Variants in RBPMS observed in about 807,000 individuals in gnomAD.
RBPMS encodes the protein RNA binding protein, mRNA processing factor.
Under a neutral mutation model 26.8 loss-of-function variants are expected in RBPMS, and 7 were observed. That is an observed-to-expected ratio of 0.26 (90% CI 0.15 to 0.49). The LOEUF (loss-of-function observed/expected upper bound fraction) is 0.49, where lower values mean the gene tolerates loss of function less well. Ranked by LOEUF, RBPMS falls within the 20% of genes least tolerant of loss-of-function variation. The probability of loss-of-function intolerance (pLI) is 0.98; values close to 1 mark genes in which losing one functional copy is unlikely to be tolerated. For missense variants in RBPMS, 186 were observed against 250.0 expected, an observed-to-expected ratio of 0.74 and a Z score of 1.73; for synonymous variants, 96 against 93.3, an observed-to-expected ratio of 1.03 and a Z score of -0.17.
intron 6 of RBPMS, chr8:30,545,151 T>G (rs1825768964): frequency 1.5e-6 from 2 of 1,307,200 alleles, no homozygotes; most frequent in South Asian, 2.5e-5. Context: ...GGGTTCCTTC[T>G]CTCCATTTTC....
chr8:30,463,102 G>A (rs771832637), intron 1 of RBPMS, among the ~76,000 whole-genome samples: 28 of 152,082 alleles, frequency 1.8e-4, no homozygotes, highest in Non-Finnish European at 2.8e-4. Context: ...ATTGCCTTTG[G>A]TACATGAAAA....
At chr8:30,543,253 C>T (rs567106353) in intron 5 of RBPMS, among the ~76,000 whole-genome samples, 8 of 152,312 alleles carry the variant, frequency 5.3e-5, no homozygotes, top group Non-Finnish European at 1.0e-4. Flanking sequence ...AAGCCTCACA[C>T]AGGTTCTGCT....
intron 5 of RBPMS, among the ~76,000 whole-genome samples, chr8:30,542,323 A>G (rs1288959995): frequency 1.3e-5 from 2 of 152,260 alleles, no homozygotes; most frequent in Admixed American, 1.3e-4. Context: ...CATAAATTCC[A>G]GCAGTCAGGC....
chr8:30,410,966 G>A (rs933044518), intron 1 of RBPMS, among the ~76,000 whole-genome samples: 10 of 151,998 alleles, frequency 6.6e-5, no homozygotes, highest in Non-Finnish European at 1.0e-4. Context: ...TCTTTAACTC[G>A]TGGGCTCTAG....
chr8:30,519,619 G>A (rs540960948), intron 5 of RBPMS, among the ~76,000 whole-genome samples: 1 of 151,650 alleles, frequency 6.6e-6, no homozygotes, highest in Non-Finnish European at 1.5e-5. Flanking sequence ...GAGTAACTGG[G>A]ACTATAGGCG....
chr8:30,389,394 C>T (rs1807509792), intron 1 of RBPMS, among the ~76,000 whole-genome samples: 1 of 152,154 alleles, frequency 6.6e-6, no homozygotes, highest in Non-Finnish European at 1.5e-5. Flanking sequence ...AAGTTCTCTT[C>T]TGGAGATGGT....
At chr8:30,418,980 C>T (rs1225255054) in intron 1 of RBPMS, among the ~76,000 whole-genome samples, 1 of 149,850 alleles carries the variant, frequency 6.7e-6, no homozygotes, top group Non-Finnish European at 1.5e-5. Context: ...TTTCCCTAGT[C>T]TTTTTGCTTG....
Position 30,535,488 on chromosome 8 carries a change from CTT to C in RBPMS, c.398-9003_398-9002del, listed in dbSNP as rs201815875. 7.4e-3 allele frequency among the ~76,000 whole-genome samples: 1,123 copies of C among 152,276 alleles called. 34 individuals are homozygous for C. Among genetic ancestry groups the C allele is most frequent in the Admixed American group, 0.05 (770 of 15,294 alleles). On this transcript the variant is annotated intron_variant, in intron 5 of 8. Coordinates refer to ENST00000397323, the MANE Select transcript of RBPMS (RefSeq NM_001008710.3). Reference sequence around the variant, plus strand: ...AGTGCTCCATGCCTTGATGAAGACTCTTTTAGGCAGCACCTGTCCCAACTAAG... The same window carrying C: ...AGTGCTCCATGCCTTGATGAAGACTCTTAGGCAGCACCTGTCCCAACTAAG...
At chr8:30,495,876 A>G (rs1442915940) in intron 4 of RBPMS, among the ~76,000 whole-genome samples, 1 of 152,262 alleles carries the variant, frequency 6.6e-6, no homozygotes, top group African/African-American at 2.4e-5. Context: ...TGTAGTCTTT[A>G]TAAAAGAAAA....
At chr8:30,452,376 T>A (rs1414881577) in intron 1 of RBPMS, among the ~76,000 whole-genome samples, 1 of 152,116 alleles carries the variant, frequency 6.6e-6, no homozygotes, top group Non-Finnish European at 1.5e-5. Flanking sequence ...ATAAGCAAAA[T>A]GCTAGACTAG....
At position 30,479,388 on chromosome 8, in the gene RBPMS, A is replaced by G; in HGVS notation, c.246+11A>G. On this transcript the variant is annotated intron_variant, in intron 4 of 8. Coordinates refer to ENST00000397323, the MANE Select transcript of RBPMS (RefSeq NM_001008710.3). ...AAGAATGCTTTGAATGTAAGTACTAATGATGTAATTGTAGGGGGTTTCCAT... is the reference window on the plus strand; with the variant it reads ...AAGAATGCTTTGAATGTAAGTACTAGTGATGTAATTGTAGGGGGTTTCCAT... 2 of 1,586,062 alleles carry G rather than the reference A, an allele frequency of 1.3e-6. No homozygotes were observed. The highest frequency in any genetic ancestry group is 1.8e-5 in the Admixed American group (1 of 56,858).
intron 5 of RBPMS, among the ~76,000 whole-genome samples, chr8:30,531,823 T>C (rs932045416): frequency 3.3e-5 from 5 of 152,220 alleles, no homozygotes; most frequent in Non-Finnish European, 7.3e-5. Flanking sequence ...AAAAGGAAGA[T>C]AAAATATGGC....
At chr8:30,564,036 T>C (rs1214264947) in intron 7 of RBPMS, 1 of 152,144 alleles carries the variant, frequency 6.6e-6, no homozygotes, top group African/African-American at 2.4e-5. Flanking sequence ...CATAATAGTT[T>C]GGGTGGTGAT....
intron 1 of RBPMS, among the ~76,000 whole-genome samples, chr8:30,419,642 T>C (rs1810523726): frequency 6.6e-6 from 1 of 152,118 alleles, no homozygotes; most frequent in African/African-American, 2.4e-5. Context: ...ACATGAGTAT[T>C]AAAAATGTTT....
At chr8:30,449,975 C>T (rs779287921) in intron 1 of RBPMS, among the ~76,000 whole-genome samples, 3 of 152,200 alleles carry the variant, frequency 2.0e-5, no homozygotes, top group Non-Finnish European at 2.9e-5. Context: ...ACTAGGATGT[C>T]CTGTTTAGAA....
At chr8:30,459,076 G>A (rs1460771948) in intron 1 of RBPMS, among the ~76,000 whole-genome samples, 1 of 151,346 alleles carries the variant, frequency 6.6e-6, no homozygotes, top group Non-Finnish European at 1.5e-5. Context: ...CGATTCTCGT[G>A]CCTCAGCCTC....
intron 1 of RBPMS, among the ~76,000 whole-genome samples, chr8:30,425,068 A>G (rs1346851021): frequency 6.6e-6 from 1 of 151,454 alleles, no homozygotes. Flanking sequence ...CAGTCCTCCC[A>G]CCTCAGCCTC....
In RBPMS at chr8:30,556,668, C is replaced by T. The variant is rs145335252; in HGVS notation, c.529-2219C>T. 7.4e-4 allele frequency: 725 copies of T among 986,100 alleles called. 2 individuals carry two copies. In the African/African-American group the frequency reaches 0.012, roughly 16 times the overall value. The allele number at this position is 986,100 out of a possible 1,614,324, so 61.1% of individuals were successfully genotyped here. Reference sequence around the variant, plus strand: ...CTACTGTGTGTTTAGGTGTCCAGCCCCCCACCTGCCATGGGGGCTCTGTGT... The same window carrying T: ...CTACTGTGTGTTTAGGTGTCCAGCCTCCCACCTGCCATGGGGGCTCTGTGT... On this transcript the variant is annotated intron_variant, in intron 6 of 8. Transcript: ENST00000397323.
chr8:30,511,646 TACAC>T (rs1300105870), intron 5 of RBPMS, among the ~76,000 whole-genome samples: 8 of 150,048 alleles, frequency 5.3e-5, no homozygotes, highest in Admixed American at 1.3e-4. Flanking sequence ...TGTATATAGA[TACAC>T]ATATATATAT....
Sources: gnomAD v4.1 joint callset for allele counts (sites outside exome capture counted in the v4.1 genomes callset) on GRCh38, gnomAD v4.1.1 for gene constraint, MANE v1.5 for transcripts, NCBI Gene and HGNC (gene_info 2026-07-23, HGNC 2026-07-21) for gene names.